Variants in PARD3 observed in about 807,000 individuals in gnomAD.
The protein encoded by PARD3 is partitioning defective 3 homolog.
A neutral mutation model predicts 155.4 loss-of-function variants in PARD3; 75 were observed. That is an observed-to-expected ratio of 0.48 (90% CI 0.40 to 0.58). The LOEUF is 0.58. Among genes scored for constraint, PARD3 ranks in the 20% least tolerant of loss-of-function variants. The pLI is 0.00. For synonymous variants in PARD3, 576 were observed against 610.5 expected (o/e 0.94, Z 0.83); for missense variants, 1,642 against 1,721.7 (o/e 0.95, Z 0.82).
At chr10:34,668,868 C>T (rs1424027177) in intron 2 of PARD3, among the ~76,000 whole-genome samples, 1 of 151,950 alleles carries the variant, frequency 6.6e-6, no homozygotes, top group Admixed American at 6.6e-5. Context: ...CATAATAGGA[C>T]CTTCTCAAAG....
intron 5 of PARD3, among the ~76,000 whole-genome samples, chr10:34,428,084 T>G (rs1316390081): frequency 6.6e-6 from 1 of 152,106 alleles, no homozygotes; most frequent in African/African-American, 2.4e-5. Context: ...CCTCCAGCAC[T>G]TCCCCCATCT....
intron 2 of PARD3, among the ~76,000 whole-genome samples, chr10:34,535,386 C>T (rs2083152078): frequency 6.6e-6 from 1 of 152,112 alleles, no homozygotes; most frequent in Non-Finnish European, 1.5e-5. Flanking sequence ...AAACGGATAC[C>T]AGACAGTTCA....
chr10:34,369,776 G>T (rs959584614), intron 12 of PARD3, among the ~76,000 whole-genome samples: 1 of 152,080 alleles, frequency 6.6e-6, no homozygotes, highest in Non-Finnish European at 1.5e-5. Context: ...GTGAGCATTG[G>T]ACTTGGATTT....
At chr10:34,409,397 G>C (rs898424377) in intron 5 of PARD3, among the ~76,000 whole-genome samples, 9 of 152,172 alleles carry the variant, frequency 5.9e-5, no homozygotes, top group African/African-American at 2.2e-4. Flanking sequence ...GCATCCAAAA[G>C]TACACTGCAA....
intron 1 of PARD3, among the ~76,000 whole-genome samples, chr10:34,705,392 G>GC (rs1294145274): frequency 6.6e-6 from 1 of 151,924 alleles, no homozygotes; most frequent in African/African-American, 2.4e-5. Flanking sequence ...GGAGGCTAAA[G>GC]CAGGAGGATC....
chr10:34,710,431 A>G (rs529555272), intron 1 of PARD3, among the ~76,000 whole-genome samples: 1 of 95,206 alleles, frequency 1.1e-5, no homozygotes, highest in South Asian at 4.7e-4. Context: ...TTTCTTTCCC[A>G]TCTCTTCCTC....
At chr10:34,641,380 T>C (rs1457108561) in intron 2 of PARD3, among the ~76,000 whole-genome samples, 1 of 152,180 alleles carries the variant, frequency 6.6e-6, no homozygotes, top group African/African-American at 2.4e-5. Context: ...GGGCTTGGCC[T>C]ATCTTTGCTT....
At chr10:34,137,750 C>T (rs1947978518) in intron 22 of PARD3, among the ~76,000 whole-genome samples, 1 of 152,148 alleles carries the variant, frequency 6.6e-6, no homozygotes, top group South Asian at 2.1e-4. Context: ...AATATGAATC[C>T]AACCTGCAGC....
intron 2 of PARD3, among the ~76,000 whole-genome samples, chr10:34,568,192 T>C (rs376669188): frequency 6.6e-6 from 1 of 152,206 alleles, no homozygotes; most frequent in African/African-American, 2.4e-5. Flanking sequence ...AAAAATTGCA[T>C]TTTATGCTGC....
intron 2 of PARD3, among the ~76,000 whole-genome samples, chr10:34,518,220 C>T (rs922513182): frequency 2.0e-5 from 3 of 152,054 alleles, no homozygotes; most frequent in South Asian, 4.2e-4. Flanking sequence ...GTAAATACAC[C>T]GACAAATGGG....
chr10:34,571,475 A>G (rs1257510092), intron 2 of PARD3, among the ~76,000 whole-genome samples: 3 of 152,226 alleles, frequency 2.0e-5, no homozygotes, highest in African/African-American at 7.2e-5. Flanking sequence ...TCTGTTACAT[A>G]TATCACTCAT....
Position 34,111,462 on chromosome 10 carries a change from A to C in PARD3, c.3769T>G (p.Ser1257Ala), listed in dbSNP as rs1946376810. ...CCGTTCCTGGAGCCTTGGTAGCTGGAGTACCTGGGGTTCTCTTTGGCACTC... is the reference window on the plus strand; with the variant it reads ...CCGTTCCTGGAGCCTTGGTAGCTGGCGTACCTGGGGTTCTCTTTGGCACTC... ...FQSAKENPRY[S>A]SYQGSRNGYL... is the part of the protein sequence containing the mutation. The change falls in exon 25 of 25, where the codon TCC becomes GCC. Residue 1257 changes from serine (S) to alanine (A), a missense_variant. Physicochemically the swap from Ser to Ala is moderately conservative, Grantham distance 99. Around this residue, in one of 3 missense-constraint regions of PARD3, gnomAD observed 1,529 missense variants for 1,587.3 expected, o/e 0.96. Coordinates refer to ENST00000374788, the MANE Select transcript of PARD3 (RefSeq NM_001184785.2). The C allele has an allele frequency of 6.2e-7, 1 of 1,614,130 alleles. No homozygotes were observed. Among genetic ancestry groups the C allele is most frequent in the Non-Finnish European group, 8.5e-7 (1 of 1,180,024 alleles).
intron 5 of PARD3, among the ~76,000 whole-genome samples, chr10:34,441,866 C>T (rs148732388): frequency 5.9e-5 from 9 of 151,978 alleles, no homozygotes; most frequent in Non-Finnish European, 4.4e-5. Flanking sequence ...CTGCTACTGG[C>T]GTTAATATAT....
intron 1 of PARD3, among the ~76,000 whole-genome samples, chr10:34,792,975 G>C (rs1316948692): frequency 1.3e-5 from 2 of 152,152 alleles, no homozygotes; most frequent in African/African-American, 4.8e-5. Context: ...ATCTACTTTT[G>C]CATCTCCCTG....
At chr10:34,459,488 A>C (rs1479982408) in intron 4 of PARD3, among the ~76,000 whole-genome samples, 1 of 152,130 alleles carries the variant, frequency 6.6e-6, no homozygotes, top group Non-Finnish European at 1.5e-5. Context: ...TCTTTCAAAA[A>C]TGCTCCACTC....
At chr10:34,385,999 C>T (rs1842310796) in intron 7 of PARD3, among the ~76,000 whole-genome samples, 2 of 152,138 alleles carry the variant, frequency 1.3e-5, no homozygotes, top group Non-Finnish European at 1.5e-5. Flanking sequence ...ATCATTTCTA[C>T]TAAAGATATG....
At chr10:34,741,366 G>A (rs994899850) in intron 1 of PARD3, among the ~76,000 whole-genome samples, 1 of 151,196 alleles carries the variant, frequency 6.6e-6, no homozygotes, top group African/African-American at 2.4e-5. Flanking sequence ...TTTATTTTTT[G>A]TAGTGGTACA....
At chr10:34,150,589 G>A (rs1948730036) in intron 22 of PARD3, among the ~76,000 whole-genome samples, 1 of 152,142 alleles carries the variant, frequency 6.6e-6, no homozygotes, top group African/African-American at 2.4e-5. Context: ...GTGAGGTGAC[G>A]TGCCGGACTC....
At chr10:34,131,612 A>G in intron 22 of PARD3, 29 bp from the exon 23 acceptor site, 1 of 1,606,958 alleles carries the variant, frequency 6.2e-7, no homozygotes, top group Non-Finnish European at 8.5e-7. Flanking sequence ...AGCAGTGAAT[A>G]CCCTTCAGAA....
Sources: allele counts gnomAD v4.1 joint callset (sites outside exome capture counted in the v4.1 genomes callset), GRCh38; gene constraint gnomAD v4.1.1; regional missense constraint gnomAD v4.1.1; transcripts MANE v1.5; gene names NCBI Gene and HGNC (gene_info 2026-07-23, HGNC 2026-07-21).